The following PRDM16 variants were observed in gnomAD, a reference collection of about 807,000 sequenced individuals.
PRDM16 encodes PR/SET domain 16, also known as histone-lysine N-methyltransferase PRDM16.
Under a neutral mutation model 110.6 loss-of-function variants are expected in PRDM16, and 23 were observed. The observed-to-expected ratio is 0.21, with a 90% CI of 0.15 to 0.29. The LOEUF (loss-of-function observed/expected upper bound fraction) is 0.29, where lower values mean the gene tolerates loss of function less well. Among genes scored for constraint, PRDM16 ranks in the 10% least tolerant of loss-of-function variants. The pLI, the probability that PRDM16 is intolerant of heterozygous loss-of-function variation, is 1.00. For synonymous variants in PRDM16, 799 were observed against 781.8 expected (o/e 1.02, Z -0.37); for missense variants, 1,615 against 1,794.3 (o/e 0.90, Z 1.81).
intron 4 of PRDM16, among the ~76,000 whole-genome samples, 163 bp downstream of exon 4, chr1:3,385,449 C>T (rs1038989858): frequency 6.6e-6 from 1 of 152,168 alleles, no homozygotes; most frequent in African/African-American, 2.4e-5. Flanking sequence ...GCTTGGCCAG[C>T]ACTGGCTTCC....
intron 3 of PRDM16, among the ~76,000 whole-genome samples, chr1:3,310,481 C>T (rs981218390): frequency 3.3e-4 from 51 of 152,314 alleles, no homozygotes; most frequent in Middle Eastern, 6.8e-3. Flanking sequence ...TCACAACCCA[C>T]AGGGGCCCTC....
Position 3,422,218 on chromosome 1 carries a change from GCAGA to G in PRDM16, c.2940-3355_2940-3352del, listed in dbSNP as rs562247331. Among the ~76,000 whole-genome samples the G allele has an allele frequency of 4.4e-3, 657 of 149,766 alleles. 2 individuals are homozygous for G. The highest frequency in any genetic ancestry group is 7.1e-3 in the Non-Finnish European group (479 of 67,462). Reference sequence around the variant, plus strand: ...GGCAGACAGACAGATGGACAGACAGGCAGACAGACAGGCAGGGCAGACAGGCAAG... The same window carrying G: ...GGCAGACAGACAGATGGACAGACAGGCAGACAGGCAGGGCAGACAGGCAAG... On this transcript the variant is annotated intron_variant, in intron 12 of 16. Transcript: ENST00000270722.
At chr1:3,345,546 C>T (rs1171455185) in intron 3 of PRDM16, among the ~76,000 whole-genome samples, 2 of 152,214 alleles carry the variant, frequency 1.3e-5, no homozygotes, top group African/African-American at 2.4e-5. Context: ...TGGCCAAGTA[C>T]CCCACCTAAG....
chr1:3,163,516 C>T (rs555888114), intron 1 of PRDM16, among the ~76,000 whole-genome samples: 7 of 152,282 alleles, frequency 4.6e-5, no homozygotes, highest in South Asian at 2.1e-4. Context: ...GTAAAACCCA[C>T]GCGGCGTTAG....
intron 3 of PRDM16, among the ~76,000 whole-genome samples, chr1:3,264,851 G>A (rs2455099): frequency 0.22 from 32,882 of 152,060 alleles, 4,408 homozygotes; most frequent in African/African-American, 0.34. Flanking sequence ...ATCTCAGAAG[G>A]AGAAGGATCA....
intron 3 of PRDM16, among the ~76,000 whole-genome samples, chr1:3,381,006 G>T (rs1643092800): frequency 6.6e-6 from 1 of 152,158 alleles, no homozygotes; most frequent in African/African-American, 2.4e-5. Context: ...GGATGGAAGG[G>T]GCCAGGGTTC....
chr1:3,146,285 C>T (rs1395648288), intron 1 of PRDM16, among the ~76,000 whole-genome samples: 1 of 152,244 alleles, frequency 6.6e-6, no homozygotes, highest in Non-Finnish European at 1.5e-5. Context: ...GGCCTCCCCG[C>T]TAACAGCCAC....
intron 4 of PRDM16, among the ~76,000 whole-genome samples, chr1:3,387,976 C>A (rs1643231235): frequency 6.6e-6 from 1 of 152,204 alleles, no homozygotes; most frequent in Non-Finnish European, 1.5e-5. Flanking sequence ...GGCCGCACGG[C>A]CTCGGCAGAA....
intron 2 of PRDM16, among the ~76,000 whole-genome samples, chr1:3,222,495 G>A (rs1012727601): frequency 6.6e-6 from 1 of 152,202 alleles, no homozygotes; most frequent in African/African-American, 2.4e-5. Context: ...CCTCTCCTTC[G>A]GCCTGTGGTC....
At chr1:3,410,113 TGTG>T (rs1643659134) in intron 8 of PRDM16, among the ~76,000 whole-genome samples, 1 of 150,322 alleles carries the variant, frequency 6.7e-6, no homozygotes, top group African/African-American at 2.4e-5. Flanking sequence ...TGTGCGTGTG[TGTG>T]GTGTGTGTGC....
intron 3 of PRDM16, among the ~76,000 whole-genome samples, chr1:3,332,711 C>T (rs893105080): frequency 3.3e-5 from 5 of 152,152 alleles, no homozygotes; most frequent in South Asian, 2.1e-4. Context: ...AGAAACTGCG[C>T]CCCAGCAGCA....
Position 3,437,911 on chromosome 1 carries a change from A to C in PRDM16, c.*4100A>C. The C allele has an allele frequency of 4.5e-6, 1 of 220,710 alleles. No individual in the cohort carries two copies. Among genetic ancestry groups the C allele is most frequent in the East Asian group, 6.6e-5 (1 of 15,228 alleles). 13.7% of individuals were successfully genotyped at this position (220,710 alleles called of 1,614,324 possible). A position where few individuals can be genotyped will look rare whatever the true frequency, so the allele number is the denominator to read the frequency against. On this transcript the variant is annotated 3_prime_UTR_variant, in exon 17 of 17. Transcript: ENST00000270722. ...AGCCCTGGTGTCAGAGTCGTAATTT[A>C]AAGCGTGTGTGTATATGGACTTTGT... is the stretch of plus-strand genomic sequence containing the variant.
intron 12 of PRDM16, among the ~76,000 whole-genome samples, chr1:3,422,943 A>C (rs993642179): frequency 3.9e-5 from 6 of 152,222 alleles, no homozygotes; most frequent in African/African-American, 1.4e-4. Flanking sequence ...CCCACAGGCC[A>C]GGCCCCTGGG....
intron 1 of PRDM16, among the ~76,000 whole-genome samples, chr1:3,166,389 G>A (rs1482652002): frequency 6.6e-6 from 1 of 152,244 alleles, no homozygotes; most frequent in Non-Finnish European, 1.5e-5. Context: ...TTTCCACAGT[G>A]AGCGTGGACA....
intron 1 of PRDM16, among the ~76,000 whole-genome samples, chr1:3,161,183 G>T (rs1643893933): frequency 6.6e-6 from 1 of 152,242 alleles, no homozygotes; most frequent in Non-Finnish European, 1.5e-5. Flanking sequence ...AGCGCGGAAA[G>T]TTCCGGCAGA....
chr1:3,362,335 A>AC (rs35222628), intron 3 of PRDM16, among the ~76,000 whole-genome samples: 81,249 of 152,088 alleles, frequency 0.53, 22,047 homozygotes, highest in East Asian at 0.7. Context: ...TGCATGGGAC[A>AC]CCCAGGCGTC....
chr1:3,171,480 C>T (rs1474362476), intron 1 of PRDM16, among the ~76,000 whole-genome samples: 6 of 152,192 alleles, frequency 3.9e-5, no homozygotes, highest in Non-Finnish European at 4.4e-5. Context: ...CCCTCAGTGC[C>T]GCAGGTGCTC....
chr1:3,223,119 T>TC (rs1433083264), intron 2 of PRDM16, among the ~76,000 whole-genome samples: 1 of 145,206 alleles, frequency 6.9e-6, no homozygotes, highest in Non-Finnish European at 1.5e-5. Context: ...TTTTTTTTTT[T>TC]TTTTTTTTTG....
intron 1 of PRDM16, among the ~76,000 whole-genome samples, chr1:3,114,376 G>T (rs1343763884): frequency 8.4e-6 from 1 of 119,714 alleles, no homozygotes. Flanking sequence ...ACACACGCAG[G>T]TGTAAACAGA....
Sources: allele counts gnomAD v4.1 joint callset (sites outside exome capture counted in the v4.1 genomes callset), GRCh38; gene constraint gnomAD v4.1.1; transcripts MANE v1.5; gene names NCBI Gene and HGNC (gene_info 2026-07-23, HGNC 2026-07-21).